The following CORIN variants were observed in gnomAD, a reference collection of about 807,000 sequenced individuals.
The protein encoded by CORIN is atrial natriuretic peptide-converting enzyme.
A neutral mutation model predicts 125.3 loss-of-function variants in CORIN; 117 were observed. The ratio of observed to expected loss-of-function variants is 0.93; its 90% CI spans 0.80 to 1.09. The LOEUF (loss-of-function observed/expected upper bound fraction) is 1.09, where lower values mean the gene tolerates loss of function less well. CORIN is among the 50% of genes least tolerant of loss of function. The probability of loss-of-function intolerance (pLI) is 0.00; values close to 1 mark genes in which losing one functional copy is unlikely to be tolerated. For synonymous variants in CORIN, 450 were observed against 466.4 expected (o/e 0.96, Z 0.45); for missense variants, 1,253 against 1,306.7 (o/e 0.96, Z 0.63).
rs1278407078 is a variant in CORIN, at chr4:47,594,322, T to C, written c.*1399A>G. 6 of 152,592 alleles carry C rather than the reference T, an allele frequency of 3.9e-5. No individual in the cohort carries two copies. Among genetic ancestry groups the C allele is most frequent in the Admixed American group, 3.3e-4 (5 of 15,258 alleles). 9.5% of individuals were successfully genotyped at this position (152,592 alleles called of 1,614,324 possible). A position where few individuals can be genotyped will look rare whatever the true frequency, so the allele number is the denominator to read the frequency against. On this transcript the variant is annotated 3_prime_UTR_variant, in exon 22 of 22. Coordinates refer to ENST00000273857, the MANE Select transcript of CORIN (RefSeq NM_006587.4). ...CATGTATAAAATTGCAGGTAGTATC[T>C]ATTTGGAATGCTGAGGCAGTCCAGG...
chr4:47,706,686 G>T (rs189523009), intron 5 of CORIN: 1 of 1,608,840 alleles, frequency 6.2e-7, no homozygotes. Flanking sequence ...GCGGAGGAGC[G>T]AGCTGGACGC....
At chr4:47,671,961 G>A (rs903782254) in intron 10 of CORIN, among the ~76,000 whole-genome samples, 3 of 152,318 alleles carry the variant, frequency 2.0e-5, no homozygotes, top group Admixed American at 6.5e-5. Flanking sequence ...TCAGAAGAGA[G>A]CAGGTGCAAA....
At chr4:47,787,737 T>A (rs565007933) in intron 2 of CORIN, among the ~76,000 whole-genome samples, 69 of 152,372 alleles carry the variant, frequency 4.5e-4, no homozygotes, top group African/African-American at 1.7e-3. Flanking sequence ...GTTTGGCACA[T>A]GCCATGAGCA....
chr4:47,637,648 G>A (rs1723078475), intron 16 of CORIN, among the ~76,000 whole-genome samples: 1 of 152,234 alleles, frequency 6.6e-6, no homozygotes, highest in African/African-American at 2.4e-5. Context: ...GAGCCTGTGA[G>A]TGCACAGAAG....
intron 5 of CORIN, among the ~76,000 whole-genome samples, chr4:47,709,073 C>A (rs1056981281): frequency 1.3e-5 from 2 of 152,102 alleles, no homozygotes; most frequent in African/African-American, 4.8e-5. Context: ...GCCTTGACTT[C>A]CCTCCCTTTC....
chr4:47,772,769 G>A (rs570228569), intron 3 of CORIN, among the ~76,000 whole-genome samples: 108 of 152,242 alleles, frequency 7.1e-4, no homozygotes, highest in South Asian at 4.1e-3. Flanking sequence ...GTGATAAGAA[G>A]TTTTTGCTAT....
intron 4 of CORIN, among the ~76,000 whole-genome samples, chr4:47,750,219 G>A (rs1386370011): frequency 6.6e-6 from 1 of 152,214 alleles, no homozygotes; most frequent in Non-Finnish European, 1.5e-5. Flanking sequence ...AGCGGGGTAT[G>A]AGAAGCAGAA....
chr4:47,645,258 C>T (rs1723414927), intron 13 of CORIN, 64 bp from the exon 14 acceptor site: 1 of 1,041,944 alleles, frequency 9.6e-7, no homozygotes, highest in Non-Finnish European at 1.5e-6. Context: ...TAAATTCAAT[C>T]AATGTAGAAA....
Position 47,783,757 on chromosome 4 carries a change from T to C in CORIN, c.409+2968A>G, listed in dbSNP as rs551452459. On this transcript the variant is annotated intron_variant, in intron 3 of 21. Coordinates refer to ENST00000273857, the MANE Select transcript of CORIN (RefSeq NM_006587.4). ...AAATAAACATCAAGTCATAGAAGTG[T>C]GATCAGGCACTTCTAGCAAAAGTGA... Among the ~76,000 whole-genome samples the C allele has an allele frequency of 3.3e-5, 5 of 152,216 alleles. No individual in the cohort carries two copies. In the South Asian group the frequency reaches 8.3e-4, roughly 25 times the overall value.
rs1363675109 is a variant in CORIN, at chr4:47,594,818, G to A, written c.*903C>T. 6.6e-6 allele frequency: 1 copy of A among 152,050 alleles called. No individual in the cohort carries two copies. Among genetic ancestry groups the A allele is most frequent in the Non-Finnish European group, 1.5e-5 (1 of 68,016 alleles). The allele number at this position is 152,050 out of a possible 1,614,324, so 9.4% of individuals were successfully genotyped here. On this transcript the variant is annotated 3_prime_UTR_variant, in exon 22 of 22. Coordinates refer to ENST00000273857, the MANE Select transcript of CORIN (RefSeq NM_006587.4). ...AAACAAAATATTGCCCATAAATATAGATGTAGTTGTTGCAGTCTCAATCAG... is the reference window on the plus strand; with the variant it reads ...AAACAAAATATTGCCCATAAATATAAATGTAGTTGTTGCAGTCTCAATCAG...
intron 10 of CORIN, among the ~76,000 whole-genome samples, chr4:47,666,447 C>T (rs1724486677): frequency 6.6e-6 from 1 of 152,178 alleles, no homozygotes; most frequent in Non-Finnish European, 1.5e-5. Context: ...CACTGAGGAA[C>T]TCCACAATCT....
chr4:47,774,339 C>T (rs1730193026), intron 3 of CORIN, among the ~76,000 whole-genome samples: 1 of 152,166 alleles, frequency 6.6e-6, no homozygotes, highest in South Asian at 2.1e-4. Context: ...AGGGCAGGAG[C>T]CCTGCACTCC....
chr4:47,763,486 C>A lies in CORIN; in HGVS notation c.510G>T (p.Lys170Asn). Residue 170 changes from lysine to asparagine, a missense_variant, in exon 4 of 22, where the codon AAG (lysine) becomes AAT (asparagine). By Grantham distance (94) the Lys-to-Asn change is moderately conservative (BLOSUM62 0). Coordinates refer to ENST00000273857, the MANE Select transcript of CORIN (RefSeq NM_006587.4). ...LSVVRNMEME[K>N]FLKFFTYLHR... ...GGAGATATGTGAAAAACTTGAGGAA[C>A]TTTTCCATTTCCATGTTTCTGACAA... is the stretch of plus-strand genomic sequence containing the variant. The A allele has an allele frequency of 6.2e-7, 1 of 1,614,124 alleles. No individual in the cohort carries two copies. Among genetic ancestry groups the A allele is most frequent in the Non-Finnish European group, 8.5e-7 (1 of 1,180,014 alleles).
chr4:47,596,691 T>C (rs1721262609), intron 21 of CORIN, among the ~76,000 whole-genome samples: 1 of 152,082 alleles, frequency 6.6e-6, no homozygotes, highest in Non-Finnish European at 1.5e-5. Context: ...TCATGGAAAA[T>C]AAAAGAGTAA....
At chr4:47,700,276 GA>G (rs1369995677) in intron 5 of CORIN, among the ~76,000 whole-genome samples, 1 of 152,182 alleles carries the variant, frequency 6.6e-6, no homozygotes, top group Admixed American at 6.5e-5. Context: ...TTTAGGGGTA[GA>G]GGGGGACTCA....
At chr4:47,782,160 A>G (rs1361307518) in intron 3 of CORIN, among the ~76,000 whole-genome samples, 1 of 151,922 alleles carries the variant, frequency 6.6e-6, no homozygotes, top group Non-Finnish European at 1.5e-5. Context: ...CAAGGTGGGC[A>G]GATCACTTGA....
intron 20 of CORIN, among the ~76,000 whole-genome samples, chr4:47,602,602 A>T (rs1160604056): frequency 6.6e-6 from 1 of 152,146 alleles, no homozygotes; most frequent in East Asian, 1.9e-4. Flanking sequence ...GCAGGCAGAT[A>T]GAGAGAGTCC....
At chr4:47,615,702 T>C (rs1486508963) in intron 19 of CORIN, among the ~76,000 whole-genome samples, 4 of 152,122 alleles carry the variant, frequency 2.6e-5, no homozygotes, top group Non-Finnish European at 5.9e-5. Flanking sequence ...ACAGGCATTC[T>C]CTCTCAACAC....
chr4:47,747,339 G>T (rs1399681748), intron 4 of CORIN, among the ~76,000 whole-genome samples: 1 of 151,834 alleles, frequency 6.6e-6, no homozygotes, highest in Non-Finnish European at 1.5e-5. Flanking sequence ...TGGGGCAATG[G>T]AATCTCTAAC....
Sources: gnomAD v4.1 joint callset for allele counts (sites outside exome capture counted in the v4.1 genomes callset) on GRCh38, gnomAD v4.1.1 for gene constraint, MANE v1.5 for transcripts, NCBI Gene and HGNC (gene_info 2026-07-23, HGNC 2026-07-21) for gene names.